Variants in MICU1 observed in about 807,000 individuals in gnomAD.
MICU1 encodes mitochondrial calcium uptake 1.
Under a neutral mutation model 56.8 loss-of-function variants are expected in MICU1, and 45 were observed. The ratio of observed to expected loss-of-function variants is 0.79; its 90% CI spans 0.62 to 1.02. The LOEUF is 1.02. Ranked by LOEUF, MICU1 falls within the 50% of genes least tolerant of loss-of-function variation. The pLI is 0.00. For synonymous variants in MICU1, 186 were observed against 195.1 expected (o/e 0.95, Z 0.39); for missense variants, 504 against 587.1 (o/e 0.86, Z 1.46).
intron 6 of MICU1, among the ~76,000 whole-genome samples, chr10:72,485,541 T>C (rs1206298902): frequency 6.6e-6 from 1 of 151,288 alleles, no homozygotes; most frequent in Non-Finnish European, 1.5e-5. Context: ...ACTATTAATG[T>C]CCGTTTCCAG....
intron 8 of MICU1, among the ~76,000 whole-genome samples, chr10:72,433,489 G>A (rs1020966617): frequency 1.3e-5 from 2 of 149,698 alleles, no homozygotes; most frequent in African/African-American, 4.9e-5. Flanking sequence ...GTGCAATGGT[G>A]CAATCTCAGT....
rs574173012 is a variant in MICU1, at chr10:72,505,620, C to T, written c.652+2535G>A. ...ATGTGGTACACAACACTATGGAATACTACACGGTCATGAACAAGAATGAAA... is the reference window on the plus strand; with the variant it reads ...ATGTGGTACACAACACTATGGAATATTACACGGTCATGAACAAGAATGAAA... On this transcript the variant is annotated intron_variant, in intron 6 of 11. Coordinates refer to ENST00000361114, the MANE Select transcript of MICU1 (RefSeq NM_001195518.2). Among the ~76,000 whole-genome samples the T allele has an allele frequency of 3.3e-5, 5 of 152,302 alleles. No homozygotes were observed. The East Asian group carries it at 7.7e-4, about 24-fold the overall frequency.
At chr10:72,529,789 A>C (rs183762795) in intron 5 of MICU1, among the ~76,000 whole-genome samples, 5 of 152,206 alleles carry the variant, frequency 3.3e-5, no homozygotes, top group Admixed American at 1.3e-4. Context: ...CTTAGAAATA[A>C]TTGCTTTGTT....
chr10:72,554,603 T>A (rs1840113885), intron 3 of MICU1, among the ~76,000 whole-genome samples: 1 of 152,198 alleles, frequency 6.6e-6, no homozygotes, highest in Admixed American at 6.5e-5. Context: ...AAACTATATG[T>A]CTAGGAATAA....
chr10:72,433,133 G>T (rs1284734952), intron 8 of MICU1, among the ~76,000 whole-genome samples: 1 of 148,394 alleles, frequency 6.7e-6, no homozygotes. Flanking sequence ...AGAGATGAGG[G>T]TTCACCATGT....
In MICU1 at chr10:72,375,689, T is replaced by C. The variant is rs113563039; in HGVS notation, c.1270+94A>G. The C allele has an allele frequency of 2.5e-4, 286 of 1,165,936 alleles. 1 individual carries two copies. In the African/African-American group the frequency reaches 3.1e-3, roughly 13 times the overall value. The allele number at this position is 1,165,936 out of a possible 1,614,324, so 72.2% of individuals were successfully genotyped here. On this transcript the variant is annotated intron_variant, in intron 11 of 11. Transcript: ENST00000361114. ...GGGTAGCTTGAAGAGGATGGGCTGG[T>C]ACACAGATGCTGTCCGCAAGGCTCC... is the stretch of plus-strand genomic sequence containing the variant.
At chr10:72,607,637 C>CA (rs368820136) in intron 1 of MICU1, among the ~76,000 whole-genome samples, 5,128 of 59,588 alleles carry the variant, frequency 0.086, 364 homozygotes, top group African/African-American at 0.22. Flanking sequence ...AACTCCATCT[C>CA]AAAAAAAAAA....
At chr10:72,525,846 GT>G (rs1867945892) in intron 5 of MICU1, among the ~76,000 whole-genome samples, 1 of 152,154 alleles carries the variant, frequency 6.6e-6, no homozygotes. Context: ...TTACCCATCA[GT>G]TATGTGGGAG....
chr10:72,413,354 TA>T (rs1407383093), intron 9 of MICU1, among the ~76,000 whole-genome samples: 1 of 152,178 alleles, frequency 6.6e-6, no homozygotes, highest in African/African-American at 2.4e-5. Context: ...CATCAAAATT[TA>T]AAAAATTTGT....
intron 8 of MICU1, among the ~76,000 whole-genome samples, chr10:72,457,710 A>T (rs933355953): frequency 3.9e-4 from 59 of 152,078 alleles, no homozygotes; most frequent in African/African-American, 1.3e-3. Flanking sequence ...GAGAGAGAGA[A>T]AGAGTGGGGA....
At chr10:72,588,930 G>A (rs1841144523) in intron 1 of MICU1, among the ~76,000 whole-genome samples, 1 of 152,170 alleles carries the variant, frequency 6.6e-6, no homozygotes, top group Non-Finnish European at 1.5e-5. Context: ...CCACTAAGGT[G>A]GCAAGTAATG....
chr10:72,428,227 A>G (rs1468635239), intron 8 of MICU1, among the ~76,000 whole-genome samples: 1 of 152,240 alleles, frequency 6.6e-6, no homozygotes, highest in African/African-American at 2.4e-5. Context: ...GCAGGGGCCA[A>G]AACAAGTCAT....
intron 11 of MICU1, among the ~76,000 whole-genome samples, chr10:72,370,012 G>T (rs1324821621): frequency 6.6e-6 from 1 of 151,966 alleles, no homozygotes; most frequent in Non-Finnish European, 1.5e-5. Context: ...AAGTAGCTGG[G>T]ACCACAGGCA....
At chr10:72,482,571 A>G (rs1866334610) in intron 6 of MICU1, among the ~76,000 whole-genome samples, 2 of 152,106 alleles carry the variant, frequency 1.3e-5, no homozygotes, top group Admixed American at 1.3e-4. Context: ...AACATTGTTG[A>G]CCATATTAAA....
chr10:72,452,625 G>A (rs946069454), intron 8 of MICU1, among the ~76,000 whole-genome samples: 2 of 152,168 alleles, frequency 1.3e-5, no homozygotes, highest in Non-Finnish European at 2.9e-5. Context: ...ATTCAGTACA[G>A]TAACATACTT....
At chr10:72,433,289 G>A (rs1352857601) in intron 8 of MICU1, among the ~76,000 whole-genome samples, 2 of 150,112 alleles carry the variant, frequency 1.3e-5, no homozygotes, top group African/African-American at 4.9e-5. Context: ...TGTTGCCCAG[G>A]CTGAAGTGCA....
chr10:72,610,884 G>A (rs938614844), intron 1 of MICU1, among the ~76,000 whole-genome samples: 1 of 152,012 alleles, frequency 6.6e-6, no homozygotes, highest in Non-Finnish European at 1.5e-5. Flanking sequence ...ACTTTACCTT[G>A]TATTTCTATT....
intron 10 of MICU1, among the ~76,000 whole-genome samples, chr10:72,376,212 A>G (rs550808136): frequency 6.6e-6 from 1 of 151,388 alleles, no homozygotes; most frequent in East Asian, 2.0e-4. Flanking sequence ...CGAGAGGCGG[A>G]GGTTGCAGTG....
At chr10:72,379,654 G>A (rs574033084) in intron 10 of MICU1, 50 of 365,642 alleles carry the variant, frequency 1.4e-4, no homozygotes, top group East Asian at 1.3e-3. Context: ...TCTAATGAGA[G>A]GCTCATTAAA....
Sources: allele counts gnomAD v4.1 joint callset (sites outside exome capture counted in the v4.1 genomes callset), GRCh38; gene constraint gnomAD v4.1.1; transcripts MANE v1.5; gene names NCBI Gene and HGNC (gene_info 2026-07-23, HGNC 2026-07-21).